TBL1XR1: variants seen among roughly 807,000 people sequenced by gnomAD.
TBL1XR1 encodes the protein F-box-like/WD repeat-containing protein TBL1XR1.
TBL1XR1 carries 5 observed loss-of-function variants against 66.9 expected under a neutral mutation model. That is an observed-to-expected ratio of 0.07 (90% CI 0.04 to 0.16). The LOEUF is 0.16. TBL1XR1 is among the 10% of genes least tolerant of loss of function. The probability of loss-of-function intolerance (pLI) is 1.00; values close to 1 mark genes in which losing one functional copy is unlikely to be tolerated. For synonymous variants in TBL1XR1, 210 were observed against 206.0 expected, an observed-to-expected ratio of 1.02 and a Z score of -0.17; for missense variants, 238 against 623.2, an observed-to-expected ratio of 0.38 and a Z score of 6.58.
At chr3:177,123,407 C>A (rs1381160572) in intron 1 of TBL1XR1, among the ~76,000 whole-genome samples, 1 of 151,976 alleles carries the variant, frequency 6.6e-6, no homozygotes, top group African/African-American at 2.4e-5. Context: ...TTATTTCCAA[C>A]CAAAGAGATT....
At chr3:177,116,664 C>T (rs1425746017) in intron 1 of TBL1XR1, among the ~76,000 whole-genome samples, 1 of 152,130 alleles carries the variant, frequency 6.6e-6, no homozygotes, top group African/African-American at 2.4e-5. Flanking sequence ...CTCTACCTTC[C>T]ACTGAGAATC....
At chr3:177,119,175 T>C (rs141377795) in intron 1 of TBL1XR1, among the ~76,000 whole-genome samples, 3 of 152,280 alleles carry the variant, frequency 2.0e-5, no homozygotes, top group African/African-American at 4.8e-5. Flanking sequence ...TTTCACCATG[T>C]TGGCCGGGCT....
Position 177,179,170 on chromosome 3 carries a change from A to G in TBL1XR1, c.-122+17951T>C, listed in dbSNP as rs1056934408. 4.7e-5 allele frequency among the ~76,000 whole-genome samples: 7 copies of G among 150,396 alleles called. No homozygotes were observed. The South Asian group carries it at 1.5e-3, about 32-fold the overall frequency. ...ACTTGGGGCTGTGAAGAGATGGGGG[A>G]GAATCGCACAACAACCCCCTCCAAA... On this transcript the variant is annotated intron_variant, in intron 1 of 15. Transcript: ENST00000457928.
intron 1 of TBL1XR1, among the ~76,000 whole-genome samples, chr3:177,112,093 ATATATATATATATATTTTTT>A (rs1278593180): frequency 6.0e-5 from 3 of 49,648 alleles, no homozygotes; most frequent in African/African-American, 3.1e-4. Context: ...ATATATATAT[ATATATATATATATATTTTTT>A]TTTTTTTTTT....
At chr3:177,089,373 C>A (rs1722546328) in intron 2 of TBL1XR1, among the ~76,000 whole-genome samples, 3 of 152,150 alleles carry the variant, frequency 2.0e-5, no homozygotes, top group Admixed American at 2.0e-4. Flanking sequence ...AGCCTAACTG[C>A]CTAACTCCCA....
At chr3:177,050,457 G>T (rs775117698) in intron 6 of TBL1XR1, 21 bp downstream of exon 6, 8 of 1,611,914 alleles carry the variant, frequency 5.0e-6, no homozygotes, top group Non-Finnish European at 5.9e-6. Context: ...AGTCATTTTA[G>T]TATCACTTTG....
chr3:177,134,183 T>C (rs1156961531), intron 1 of TBL1XR1, among the ~76,000 whole-genome samples: 1 of 152,240 alleles, frequency 6.6e-6, no homozygotes, highest in East Asian at 1.9e-4. Flanking sequence ...AGATTCTTTA[T>C]TCCTGTTTTT....
intron 1 of TBL1XR1, among the ~76,000 whole-genome samples, chr3:177,172,352 A>C (rs1366950727): frequency 6.6e-6 from 1 of 152,056 alleles, no homozygotes; most frequent in East Asian, 1.9e-4. Context: ...GAATGAGTGA[A>C]TAAATAAGTA....
chr3:177,142,308 A>G (rs61053139), intron 1 of TBL1XR1, among the ~76,000 whole-genome samples: 66,343 of 152,016 alleles, frequency 0.44, 15,405 homozygotes, highest in Non-Finnish European at 0.52. Context: ...CCAGCTCAGG[A>G]GCAGTTCTGT....
intron 2 of TBL1XR1, among the ~76,000 whole-genome samples, chr3:177,067,511 G>A (rs1020390177): frequency 6.6e-6 from 1 of 151,826 alleles, no homozygotes; most frequent in Non-Finnish European, 1.5e-5. Context: ...GCATTCCAGG[G>A]CAAAGAAAAA....
chr3:177,181,479 TAA>T (rs11420978), intron 1 of TBL1XR1, among the ~76,000 whole-genome samples: 10 of 137,768 alleles, frequency 7.3e-5, no homozygotes, highest in Admixed American at 1.5e-4. Flanking sequence ...GACTCCGTCT[TAA>T]AAAAAAAAAA....
intron 1 of TBL1XR1, among the ~76,000 whole-genome samples, chr3:177,100,694 G>T (rs1724091147): frequency 6.6e-6 from 1 of 152,086 alleles, no homozygotes; most frequent in Non-Finnish European, 1.5e-5. Context: ...CAAAGTGCTG[G>T]GATTACAGGG....
chr3:177,117,505 TA>T (rs1471226371), intron 1 of TBL1XR1, among the ~76,000 whole-genome samples: 2 of 152,200 alleles, frequency 1.3e-5, no homozygotes, highest in Non-Finnish European at 2.9e-5. Flanking sequence ...AAAATAATGT[TA>T]AAACAGTCAT....
chr3:177,170,416 A>C (rs1238675148), intron 1 of TBL1XR1, among the ~76,000 whole-genome samples: 1 of 152,016 alleles, frequency 6.6e-6, no homozygotes, highest in East Asian at 1.9e-4. Flanking sequence ...CATATCTAGC[A>C]AATCTTTCAA....
At chr3:177,096,139 C>T (rs1348360178) in intron 2 of TBL1XR1, among the ~76,000 whole-genome samples, 1 of 152,124 alleles carries the variant, frequency 6.6e-6, no homozygotes, top group Non-Finnish European at 1.5e-5. Flanking sequence ...TACTACACAG[C>T]ACAGGTTCAA....
chr3:177,171,539 C>CA (rs934136232), intron 1 of TBL1XR1: 9 of 147,856 alleles, frequency 6.1e-5, no homozygotes, highest in South Asian at 2.2e-4. Flanking sequence ...ACTAAAAATA[C>CA]AAAAAAAAAT....
chr3:177,133,501 A>G (rs1577263926), intron 1 of TBL1XR1, among the ~76,000 whole-genome samples: 1 of 152,148 alleles, frequency 6.6e-6, no homozygotes, highest in South Asian at 2.1e-4. Flanking sequence ...ACAGTCATAC[A>G]TATCTTCTCT....
chr3:177,174,996 TAAAC>T (rs1733993589), intron 1 of TBL1XR1, among the ~76,000 whole-genome samples: 1 of 152,230 alleles, frequency 6.6e-6, no homozygotes, highest in Admixed American at 6.5e-5. Context: ...ACGCTAGACA[TAAAC>T]AAAACTGTTT....
At chr3:177,069,396 G>C (rs971873302) in intron 2 of TBL1XR1, among the ~76,000 whole-genome samples, 3 of 152,032 alleles carry the variant, frequency 2.0e-5, no homozygotes, top group Admixed American at 6.6e-5. Context: ...TGTTTATTAA[G>C]ACTTATCAAC....
Sources: gnomAD v4.1 joint callset for allele counts (sites outside exome capture counted in the v4.1 genomes callset) on GRCh38, gnomAD v4.1.1 for gene constraint, MANE v1.5 for transcripts, NCBI Gene and HGNC (gene_info 2026-07-23, HGNC 2026-07-21) for gene names.